The following PIK3R3 variants were observed in gnomAD, a reference collection of about 807,000 sequenced individuals.
PIK3R3 encodes the protein phosphoinositide-3-kinase regulatory subunit 3, also known as phosphatidylinositol 3-kinase regulatory subunit gamma.
PIK3R3 carries 64 observed loss-of-function variants against 62.9 expected under a neutral mutation model. The ratio of observed to expected loss-of-function variants is 1.02; its 90% CI spans 0.83 to 1.25. The LOEUF (loss-of-function observed/expected upper bound fraction) is 1.25. Ranked by LOEUF, PIK3R3 falls within the 50% of genes most tolerant of loss-of-function variation. The pLI is 0.00. For synonymous variants in PIK3R3, 165 were observed against 189.0 expected (o/e 0.87, Z 1.04); for missense variants, 614 against 561.6 (o/e 1.09, Z -0.94).
the PIK3R3 span, among the ~76,000 whole-genome samples, chr1:46,143,335 A>C: frequency 6.6e-6 from 1 of 152,148 alleles, no homozygotes; most frequent in Non-Finnish European, 1.5e-5. Context: ...TATTTTTTTA[A>C]TTGATACAGA....
At chr1:46,101,510 GCAAA>G (rs1327087125) in intron 1 of PIK3R3, among the ~76,000 whole-genome samples, 1 of 152,022 alleles carries the variant, frequency 6.6e-6, no homozygotes, top group Admixed American at 6.6e-5. Flanking sequence ...TTTCAAAGAA[GCAAA>G]CAAACAACAA....
chr1:46,123,108 C>A (rs1411098370), intron 1 of PIK3R3, among the ~76,000 whole-genome samples: 2 of 152,110 alleles, frequency 1.3e-5, no homozygotes, highest in South Asian at 2.1e-4. Context: ...GAAGGAAATA[C>A]AACAGCCTGA....
At chr1:46,125,426 T>C (rs550916135) in intron 1 of PIK3R3, among the ~76,000 whole-genome samples, 1 of 152,052 alleles carries the variant, frequency 6.6e-6, no homozygotes, top group South Asian at 2.1e-4. Flanking sequence ...TGAATCCAAA[T>C]GTGCAGGGTT....
At chr1:46,061,282 A>C (rs1049757164) in intron 6 of PIK3R3, among the ~76,000 whole-genome samples, 1 of 152,210 alleles carries the variant, frequency 6.6e-6, no homozygotes, top group African/African-American at 2.4e-5. Context: ...ATATCTGGTC[A>C]GGCATGAAGT....
the PIK3R3 span, among the ~76,000 whole-genome samples, chr1:46,141,625 A>T: frequency 6.6e-6 from 1 of 152,228 alleles, no homozygotes; most frequent in Non-Finnish European, 1.5e-5. Context: ...AGAATAAAGG[A>T]TCATCTTTCC....
rs1199849273 is a variant in PIK3R3 at position 46,132,077 on chromosome 1, C to T, written c.-125G>A. The stretch of plus-strand genomic sequence containing the variant: ...CGGAAATGTACTTCGGGTTTTCCAA[C>T]GGCCAGTACCAGTCCGGCCAAACTA... On this transcript the variant is annotated 5_prime_UTR_variant, in exon 1 of 10. Transcript: ENST00000262741. 4 of 1,455,514 alleles carry T rather than the reference C, an allele frequency of 2.7e-6. No individual in the cohort carries two copies. In the Admixed American group the frequency reaches 7.1e-5, roughly 26 times the overall value. The allele number at this position is 1,455,514 out of a possible 1,614,324, so 90.2% of individuals were successfully genotyped here.
the PIK3R3 span, among the ~76,000 whole-genome samples, chr1:46,157,343 G>A: frequency 9.2e-5 from 14 of 152,090 alleles, no homozygotes; most frequent in Admixed American, 7.2e-4. Context: ...ATGTTGCCCA[G>A]GGTGGTCTCG....
In PIK3R3 at chr1:46,131,992, G is replaced by A; in HGVS notation, c.-40C>T. On this transcript the variant is annotated 5_prime_UTR_variant, in exon 1 of 10. Transcript: ENST00000262741. ...CAGGTCGCCAGGAGATATATAGAAG[G>A]CATATATTTTTTATCTGGTATTTAA... The A allele has an allele frequency of 1.9e-6, 3 of 1,592,084 alleles. No homozygotes were observed. The highest frequency in any genetic ancestry group is 2.6e-6 in the Non-Finnish European group (3 of 1,173,858).
chr1:46,124,951 A>G (rs1654970769), intron 1 of PIK3R3, among the ~76,000 whole-genome samples: 1 of 148,332 alleles, frequency 6.7e-6, no homozygotes, highest in Admixed American at 6.7e-5. Flanking sequence ...TACGAAAAAT[A>G]AGCTGGGTGT....
At chr1:46,115,460 G>A (rs1321356778) in intron 1 of PIK3R3, among the ~76,000 whole-genome samples, 1 of 152,126 alleles carries the variant, frequency 6.6e-6, no homozygotes, top group Non-Finnish European at 1.5e-5. Flanking sequence ...AAGGTTGCTA[G>A]ATTTAGCAAA....
the PIK3R3 span, among the ~76,000 whole-genome samples, chr1:46,166,063 C>G: frequency 6.6e-6 from 1 of 151,652 alleles, no homozygotes; most frequent in African/African-American, 2.4e-5. Context: ...CGTGAGCCAC[C>G]GTGCCCGGCC....
chr1:46,080,064 CTT>C (rs1226844650), intron 2 of PIK3R3, among the ~76,000 whole-genome samples: 9 of 140,766 alleles, frequency 6.4e-5, no homozygotes, highest in Admixed American at 7.2e-5. Flanking sequence ...TTTTTCTTTT[CTT>C]TTTTTTTTTT....
chr1:46,148,743 GGAGAGA>G, the PIK3R3 span, among the ~76,000 whole-genome samples: 5,265 of 143,362 alleles, frequency 0.037, 280 homozygotes, highest in African/African-American at 0.12. Flanking sequence ...CCAAGATTTT[GGAGAGA>G]GAGAGAGAGA....
chr1:46,044,703 T>G lies in PIK3R3; in HGVS notation c.1188-832A>C, dbSNP rs1207193801. On this transcript the variant is annotated intron_variant, in intron 9 of 9. Coordinates refer to ENST00000262741, the MANE Select transcript of PIK3R3 (RefSeq NM_003629.4). The surrounding 1 kb of genome is among the most constrained non-coding windows in gnomAD (Gnocchi z 4.2). ...CTTTTTGAGGTCCATCTCAGATACCTTTTCCACAAAACCTCCCAATCCGCT... is the reference window on the plus strand; with the variant it reads ...CTTTTTGAGGTCCATCTCAGATACCGTTTCCACAAAACCTCCCAATCCGCT... Among the ~76,000 whole-genome samples the G allele has an allele frequency of 6.6e-6, 1 of 152,214 alleles. No homozygotes were observed. The highest frequency in any genetic ancestry group is 1.5e-5 in the Non-Finnish European group (1 of 68,032).
chr1:46,126,899 G>T (rs1052650066), intron 1 of PIK3R3, among the ~76,000 whole-genome samples: 1 of 151,964 alleles, frequency 6.6e-6, no homozygotes, highest in African/African-American at 2.4e-5. Flanking sequence ...GCCCTTTGAG[G>T]TCTTCTAATT....
chr1:46,104,261 A>G (rs187756324), intron 1 of PIK3R3, among the ~76,000 whole-genome samples: 1 of 152,226 alleles, frequency 6.6e-6, no homozygotes, highest in Non-Finnish European at 1.5e-5. Context: ...GATAAAAAAA[A>G]GGAAATCGTA....
chr1:46,071,712 A>AAATAT (rs1472807815), intron 3 of PIK3R3, among the ~76,000 whole-genome samples: 21 of 24,652 alleles, frequency 8.5e-4, no homozygotes, highest in African/African-American at 3.1e-3. Context: ...AAAAAAAAAA[A>AAATAT]ATATATATAT....
the PIK3R3 span, among the ~76,000 whole-genome samples, chr1:46,173,907 T>C: frequency 6.6e-6 from 1 of 152,110 alleles, no homozygotes; most frequent in African/African-American, 2.4e-5. Flanking sequence ...GGAGGGAGGC[T>C]TCTGGGTCCC....
Position 46,040,269 on chromosome 1 carries a change from T to C in PIK3R3, c.*3404A>G, listed in dbSNP as rs867672840. On this transcript the variant is annotated 3_prime_UTR_variant, in exon 10 of 10. Coordinates refer to ENST00000262741, the MANE Select transcript of PIK3R3 (RefSeq NM_003629.4). ...CCTTTCCCCCTACCCTCCCCAACAA[T>C]TGCACAGCAATGTCTGAACACATCT... 10 of 232,666 alleles carry C rather than the reference T, an allele frequency of 4.3e-5. No individual in the cohort carries two copies. The Middle Eastern group carries it at 5.1e-3, about 119-fold the overall frequency. The allele number at this position is 232,666 out of a possible 1,614,324, so 14.4% of individuals were successfully genotyped here.
Sources: allele counts gnomAD v4.1 joint callset (sites outside exome capture counted in the v4.1 genomes callset), GRCh38; gene constraint gnomAD v4.1.1; non-coding constraint Gnocchi (gnomAD v3.1); transcripts MANE v1.5; gene names NCBI Gene and HGNC (gene_info 2026-07-23, HGNC 2026-07-21).